The following CDR2 variants were observed in gnomAD, a reference collection of about 807,000 sequenced individuals.
CDR2 encodes the protein cerebellar degeneration-related protein 2.
In CDR2, 34 loss-of-function variants were observed where a neutral mutation model predicts 48.4. That is an observed-to-expected ratio of 0.70 (90% CI 0.53 to 0.94). CDR2 has a LOEUF of 0.94. Among genes scored for constraint, CDR2 ranks in the 40% least tolerant of loss-of-function variants. CDR2 has a pLI of 0.00. For missense variants in CDR2, 498 were observed against 549.5 expected, an observed-to-expected ratio of 0.91 and a Z score of 0.94; for synonymous variants, 240 against 219.7, an observed-to-expected ratio of 1.09 and a Z score of -0.82.
intron 2 of CDR2, among the ~76,000 whole-genome samples, chr16:22,361,971 G>A (rs1212533914): frequency 4.0e-5 from 6 of 148,154 alleles, no homozygotes; most frequent in Non-Finnish European, 5.9e-5. Flanking sequence ...GCACGATCTC[G>A]GCTCACTGCA....
chr16:22,366,279 C>T (rs2049044176), intron 1 of CDR2, among the ~76,000 whole-genome samples: 2 of 152,084 alleles, frequency 1.3e-5, no homozygotes, highest in South Asian at 4.1e-4. Flanking sequence ...CTATTCTAGG[C>T]ACTGGGATGG....
chr16:22,373,517 C>T (rs2049092932), intron 1 of CDR2, among the ~76,000 whole-genome samples: 2 of 152,184 alleles, frequency 1.3e-5, no homozygotes, highest in African/African-American at 2.4e-5. Context: ...TAGCTTTAGG[C>T]AAGCCACTTT....
At chr16:22,360,477 G>C (rs753249914) in intron 2 of CDR2, among the ~76,000 whole-genome samples, 2 of 152,066 alleles carry the variant, frequency 1.3e-5, no homozygotes, top group Non-Finnish European at 2.9e-5. Flanking sequence ...AACCCTCCAA[G>C]AGTCTTTGAA....
At position 22,349,431 on chromosome 16, in the gene CDR2, C is replaced by T. The variant is rs2141842890; in HGVS notation, c.354G>A (p.Thr118=). ...SQQKILSLTE[T]IECLQTNIDH... The stretch of plus-strand genomic sequence containing the variant: ...CAATGTTGGTTTGCAGGCATTCAAT[C>T]GTTTCAGTCAGGCTGTGAGGAACAG... The change falls in exon 4 of 5, where the codon ACG becomes ACA. Residue 118 remains threonine, a synonymous_variant. Transcript: ENST00000268383. The T allele has an allele frequency of 2.5e-6, 4 of 1,614,132 alleles. No homozygotes were observed. The highest frequency in any genetic ancestry group is 4.5e-5 in the East Asian group (2 of 44,886).
intron 1 of CDR2, among the ~76,000 whole-genome samples, chr16:22,365,472 A>T (rs1169697319): frequency 6.6e-6 from 1 of 152,198 alleles, no homozygotes; most frequent in Non-Finnish European, 1.5e-5. Flanking sequence ...TGGACTCCTA[A>T]GGGGACTAAA....
chr16:22,369,302 GA>G (rs1173634102), intron 1 of CDR2, among the ~76,000 whole-genome samples: 1 of 117,386 alleles, frequency 8.5e-6, no homozygotes, highest in Non-Finnish European at 1.6e-5. Flanking sequence ...AAAAAAAAAA[GA>G]AAAAAAACAA....
chr16:22,368,430 G>A (rs996482181), intron 1 of CDR2, among the ~76,000 whole-genome samples: 6 of 152,172 alleles, frequency 3.9e-5, no homozygotes, highest in African/African-American at 1.2e-4. Flanking sequence ...GGCTGGTCTC[G>A]AAATCCTGAC....
chr16:22,374,238 G>A lies in CDR2; in HGVS notation c.72C>T (p.Leu24=). Residue 24 remains leucine, a synonymous_variant, in exon 1 of 5, where the codon CTC becomes CTT. Transcript: ENST00000268383. ...EDEPWYDHQD[L]QQDLQLAAEL... ...GGGCGCCCCCGCCCTCACCTTGCTG[G>A]AGGTCCTGGTGGTCGTACCACGGCT... 6.3e-7 allele frequency: 1 copy of A among 1,599,400 alleles called. No individual in the cohort carries two copies. Among genetic ancestry groups the A allele is most frequent in the South Asian group, 1.1e-5 (1 of 89,380 alleles).
At position 22,347,580 on chromosome 16, in the gene CDR2, T is replaced by C; in HGVS notation, c.750A>G (p.Leu250=). Residue 250 remains leucine, a synonymous_variant, in exon 5 of 5, where the codon CTA becomes CTG. Coordinates refer to ENST00000268383, the MANE Select transcript of CDR2 (RefSeq NM_001802.2). ...TGAYRARALE[L]EAEVAEMRQM... ...GTCGCATCTCTGCCACCTCGGCCTCTAGTTCCAGCGCCCGTGCTCGGTAGG... is the reference window on the plus strand; with the variant it reads ...GTCGCATCTCTGCCACCTCGGCCTCCAGTTCCAGCGCCCGTGCTCGGTAGG... The C allele has an allele frequency of 6.2e-7, 1 of 1,614,170 alleles. No homozygotes were observed. Among genetic ancestry groups the C allele is most frequent in the Non-Finnish European group, 8.5e-7 (1 of 1,180,032 alleles).
chr16:22,351,334 G>A (rs2048940689), intron 2 of CDR2, among the ~76,000 whole-genome samples: 1 of 152,152 alleles, frequency 6.6e-6, no homozygotes, highest in Admixed American at 6.5e-5. Context: ...ACGTGTGCAT[G>A]CGTCTTTATA....
intron 1 of CDR2, among the ~76,000 whole-genome samples, chr16:22,365,761 G>T (rs578166760): frequency 6.6e-6 from 1 of 152,238 alleles, no homozygotes; most frequent in South Asian, 2.1e-4. Context: ...TGAAAATTTA[G>T]TTAACAATAT....
At chr16:22,356,274 C>T (rs2048973318) in intron 2 of CDR2, among the ~76,000 whole-genome samples, 1 of 152,162 alleles carries the variant, frequency 6.6e-6, no homozygotes, top group African/African-American at 2.4e-5. Context: ...ATTATAAATT[C>T]CAGTTATCCT....
intron 1 of CDR2, chr16:22,367,138 C>T (rs1196710291): frequency 2.0e-5 from 3 of 152,594 alleles, no homozygotes; most frequent in Non-Finnish European, 2.9e-5. Flanking sequence ...ATCTTCCTGC[C>T]TCAGCCTGCC....
intron 2 of CDR2, among the ~76,000 whole-genome samples, chr16:22,357,089 T>A (rs1364903312): frequency 6.6e-6 from 1 of 152,096 alleles, no homozygotes; most frequent in Non-Finnish European, 1.5e-5. Context: ...GGAGTCTCAC[T>A]CTGTTGCCCA....
intron 2 of CDR2, among the ~76,000 whole-genome samples, chr16:22,351,884 G>A (rs923346226): frequency 6.6e-6 from 1 of 152,182 alleles, no homozygotes; most frequent in Non-Finnish European, 1.5e-5. Context: ...GACAGAACCA[G>A]AAAGAGGGGA....
intron 1 of CDR2, among the ~76,000 whole-genome samples, chr16:22,370,916 T>TAA (rs1354729380): frequency 2.0e-5 from 3 of 152,134 alleles, no homozygotes; most frequent in Non-Finnish European, 4.4e-5. Context: ...ACAGGATCAT[T>TAA]AAAAGTTGTT....
At chr16:22,350,834 A>T (rs972614087) in intron 2 of CDR2, among the ~76,000 whole-genome samples, 1 of 152,234 alleles carries the variant, frequency 6.6e-6, no homozygotes, top group South Asian at 2.1e-4. Flanking sequence ...TCAAAGTTTA[A>T]GCAAAAACAT....
chr16:22,372,605 A>G (rs144197943), intron 1 of CDR2, among the ~76,000 whole-genome samples: 229 of 152,320 alleles, frequency 1.5e-3, no homozygotes, highest in Non-Finnish European at 2.6e-3. Flanking sequence ...CAAATCCTGG[A>G]GAAACTATCA....
chr16:22,348,285 T>C (rs995937583), intron 4 of CDR2, among the ~76,000 whole-genome samples: 3 of 152,158 alleles, frequency 2.0e-5, no homozygotes, highest in African/African-American at 7.2e-5. Context: ...TAAAATGGAA[T>C]TGTGTGAGGC....
Sources: gnomAD v4.1 joint callset for allele counts (sites outside exome capture counted in the v4.1 genomes callset) on GRCh38, gnomAD v4.1.1 for gene constraint, MANE v1.5 for transcripts, NCBI Gene and HGNC (gene_info 2026-07-23, HGNC 2026-07-21) for gene names.